Variants in MFN1 observed in about 807,000 individuals in gnomAD.
MFN1 encodes the protein mitofusin-1.
In MFN1, 65 loss-of-function variants were observed where a neutral mutation model predicts 92.4. The observed-to-expected ratio is 0.70, with a 90% CI of 0.58 to 0.86. The LOEUF is 0.86. Ranked by LOEUF, MFN1 falls within the 40% of genes least tolerant of loss-of-function variation. The pLI is 0.00. For synonymous variants in MFN1, 297 were observed against 300.9 expected (o/e 0.99, Z 0.13); for missense variants, 781 against 868.0 (o/e 0.90, Z 1.26).
chr3:179,367,649 G>A, intron 8 of MFN1, 57 bp downstream of exon 8: 1 of 1,456,844 alleles, frequency 6.9e-7, no homozygotes, highest in Non-Finnish European at 9.1e-7. Flanking sequence ...AATTGGCTGG[G>A]TGCGGTGGCT....
rs574074927 is a variant in MFN1, at chr3:179,348,929, G to A, written c.78G>A (p.Leu26=). The A allele has an allele frequency of 6.9e-6, 11 of 1,600,412 alleles. No individual in the cohort carries two copies. The highest frequency in any genetic ancestry group is 1.1e-5 in the South Asian group (1 of 90,418). The change falls in exon 2 of 18, where the codon CTG becomes CTA. Residue 26 remains leucine (L), a synonymous_variant. Coordinates refer to ENST00000471841, the MANE Select transcript of MFN1 (RefSeq NM_033540.3). ...KAITAIFDQL[L]EFVTEGSHFV... is the part of the protein sequence containing the mutation. Reference sequence around the variant, plus strand: ...TTACTGCAATCTTTGACCAGTTACTGGAGTTTGTTACTGAAGGATCACATT... The same window carrying A: ...TTACTGCAATCTTTGACCAGTTACTAGAGTTTGTTACTGAAGGATCACATT...
intron 4 of MFN1, among the ~76,000 whole-genome samples, chr3:179,361,815 G>C (rs1265592197): frequency 6.6e-6 from 1 of 152,134 alleles, no homozygotes; most frequent in Non-Finnish European, 1.5e-5. Flanking sequence ...TGGAATTACT[G>C]GCATGAGCCA....
chr3:179,361,259 ATC>A (rs1299404231), intron 4 of MFN1, among the ~76,000 whole-genome samples: 2 of 152,088 alleles, frequency 1.3e-5, no homozygotes, highest in East Asian at 1.9e-4. Context: ...TAAAGAAATC[ATC>A]TCTCATTTTC....
rs917110614 is a variant in MFN1 at position 179,393,305 on chromosome 3, C to T, written c.*1246C>T. On this transcript the variant is annotated 3_prime_UTR_variant, in exon 18 of 18. Transcript: ENST00000471841. ...ATTTGCTAGACAAAATGTAGGACTA[C>T]CAGATCAGTATCTCCTAGACACTTG... 2 of 152,156 alleles carry T rather than the reference C, an allele frequency of 1.3e-5. No homozygotes were observed. Among genetic ancestry groups the T allele is most frequent in the Non-Finnish European group, 2.9e-5 (2 of 68,016 alleles). The allele number at this position is 152,156 out of a possible 1,614,324, so 9.4% of individuals were successfully genotyped here.
intron 5 of MFN1, among the ~76,000 whole-genome samples, chr3:179,363,114 A>G (rs1348387886): frequency 2.0e-5 from 3 of 152,082 alleles, no homozygotes; most frequent in Non-Finnish European, 4.4e-5. Flanking sequence ...ATTTTTATTT[A>G]TTTTTTTGAG....
intron 14 of MFN1, among the ~76,000 whole-genome samples, chr3:179,382,473 G>T (rs925997048): frequency 1.3e-5 from 2 of 152,146 alleles, no homozygotes; most frequent in African/African-American, 4.8e-5. Context: ...GTCTATCATT[G>T]TTGGACATTT....
chr3:179,371,783 A>G (rs1176374362), intron 9 of MFN1, among the ~76,000 whole-genome samples: 1 of 152,032 alleles, frequency 6.6e-6, no homozygotes, highest in African/African-American at 2.4e-5. Context: ...TGAAATTTGA[A>G]CATGAACTGT....
At chr3:179,389,916 C>A (rs1713837113) in intron 16 of MFN1, 88 bp from the exon 17 acceptor site, 2 of 1,285,256 alleles carry the variant, frequency 1.6e-6, no homozygotes, top group African/African-American at 1.5e-5. Flanking sequence ...TTTTTTAAAA[C>A]TTGTGTTCTT....
At chr3:179,357,095 C>T (rs73043472) in intron 3 of MFN1, among the ~76,000 whole-genome samples, 26,383 of 152,072 alleles carry the variant, frequency 0.17, 2,385 homozygotes, top group Admixed American at 0.24. Flanking sequence ...TATCATTCCT[C>T]TGTGGGGGGT....
intron 3 of MFN1, among the ~76,000 whole-genome samples, chr3:179,356,977 G>A (rs1439543806): frequency 6.6e-6 from 1 of 152,138 alleles, no homozygotes; most frequent in Non-Finnish European, 1.5e-5. Context: ...GGTTTTTAAG[G>A]TTTTTGGAGT....
intron 17 of MFN1, among the ~76,000 whole-genome samples, chr3:179,390,571 G>A (rs757050602): frequency 2.0e-5 from 3 of 152,144 alleles, no homozygotes; most frequent in Non-Finnish European, 4.4e-5. Flanking sequence ...CTGATAAAAT[G>A]TGGATTTCTG....
chr3:179,384,306 C>T (rs1159141499), intron 14 of MFN1, among the ~76,000 whole-genome samples: 10 of 152,174 alleles, frequency 6.6e-5, no homozygotes, highest in Non-Finnish European at 1.3e-4. Flanking sequence ...TTTATGTGGA[C>T]GTGCGTTTTC....
intron 3 of MFN1, among the ~76,000 whole-genome samples, chr3:179,353,136 C>T (rs1293796189): frequency 2.0e-5 from 3 of 150,982 alleles, no homozygotes; most frequent in African/African-American, 7.3e-5. Context: ...TCACTGCAAC[C>T]TCCGCCTCCC....
chr3:179,387,418 T>C (rs1713727051), intron 16 of MFN1, among the ~76,000 whole-genome samples: 1 of 151,928 alleles, frequency 6.6e-6, no homozygotes, highest in Non-Finnish European at 1.5e-5. Context: ...TGGTAGCACA[T>C]GCCTGTAATC....
chr3:179,384,146 G>C (rs1235229552), intron 14 of MFN1, among the ~76,000 whole-genome samples: 1 of 152,126 alleles, frequency 6.6e-6, no homozygotes, highest in East Asian at 1.9e-4. Flanking sequence ...TATCAGTGTT[G>C]TAGGATGTAT....
Position 179,394,525 on chromosome 3 carries a change from C to T in MFN1, c.*2466C>T, listed in dbSNP as rs1475475049. 2.0e-5 allele frequency: 3 copies of T among 148,550 alleles called. No homozygotes were observed. The highest frequency in any genetic ancestry group is 4.4e-5 in the Non-Finnish European group (3 of 67,598). 9.2% of individuals were successfully genotyped at this position (148,550 alleles called of 1,614,324 possible). On this transcript the variant is annotated 3_prime_UTR_variant, in exon 18 of 18. Transcript: ENST00000471841. ...CCGCCTCCCGGGTTCACGCCATTCT[C>T]CTGCCTCAGCCTCCCGAGTAGCTGG...
chr3:179,372,428 T>C (rs1713060705), intron 9 of MFN1, among the ~76,000 whole-genome samples: 1 of 152,092 alleles, frequency 6.6e-6, no homozygotes, highest in Admixed American at 6.6e-5. Flanking sequence ...TGCTGCATAT[T>C]ATATATGTTC....
intron 7 of MFN1, among the ~76,000 whole-genome samples, chr3:179,367,172 C>T (rs566949897): frequency 1.3e-3 from 199 of 152,338 alleles, no homozygotes; most frequent in African/African-American, 4.7e-3. Context: ...GTGATCTGCC[C>T]GCCTTGGCCT....
intron 12 of MFN1, among the ~76,000 whole-genome samples, chr3:179,377,956 A>G (rs1438784437): frequency 6.6e-6 from 1 of 152,178 alleles, no homozygotes; most frequent in African/African-American, 2.4e-5. Context: ...GCTACTCTGG[A>G]GGCTGAGGCG....
Sources: gnomAD v4.1 joint callset for allele counts (sites outside exome capture counted in the v4.1 genomes callset) on GRCh38, gnomAD v4.1.1 for gene constraint, MANE v1.5 for transcripts, NCBI Gene and HGNC (gene_info 2026-07-23, HGNC 2026-07-21) for gene names.